The following PDE8A variants were observed in gnomAD, a reference collection of about 807,000 sequenced individuals.
PDE8A encodes the protein phosphodiesterase 8A.
A neutral mutation model predicts 105.0 loss-of-function variants in PDE8A; 59 were observed. The ratio of observed to expected loss-of-function variants is 0.56; its 90% confidence interval spans 0.46 to 0.70. PDE8A has a LOEUF of 0.70. Ranked by LOEUF, PDE8A falls within the 30% of genes least tolerant of loss-of-function variation. The probability of loss-of-function intolerance (pLI) is 0.00; values close to 1 mark genes in which losing one functional copy is unlikely to be tolerated. For synonymous variants in PDE8A, 355 were observed against 371.9 expected, an observed-to-expected ratio of 0.95 and a Z score of 0.52; for missense variants, 1,014 against 1,045.9, an observed-to-expected ratio of 0.97 and a Z score of 0.42.
At chr15:85,136,450 G>A (rs748189973) in intron 20 of PDE8A, 84 bp from the exon 21 acceptor site, 4 of 1,439,846 alleles carry the variant, frequency 2.8e-6, no homozygotes, top group Non-Finnish European at 3.8e-6. Context: ...GCTGCCAGGA[G>A]AAGCTCTTCC....
intron 1 of PDE8A, among the ~76,000 whole-genome samples, chr15:84,996,901 G>A (rs979633615): frequency 6.6e-6 from 1 of 150,422 alleles, no homozygotes; most frequent in Admixed American, 6.6e-5. Context: ...TACAGGACTG[G>A]AAGCTGCTGA....
At chr15:85,093,280 C>T (rs917235383) in intron 8 of PDE8A, among the ~76,000 whole-genome samples, 7 of 152,158 alleles carry the variant, frequency 4.6e-5, no homozygotes, top group Non-Finnish European at 1.0e-4. Flanking sequence ...GAAAAGCAAC[C>T]TTTGTCCTTT....
intron 6 of PDE8A, among the ~76,000 whole-genome samples, chr15:85,084,311 A>C (rs968325480): frequency 2.0e-5 from 3 of 152,208 alleles, no homozygotes; most frequent in Non-Finnish European, 4.4e-5. Context: ...ACCAAGATTA[A>C]TAAGGACCAG....
chr15:85,006,684 A>G (rs1450885402), intron 1 of PDE8A, among the ~76,000 whole-genome samples: 2 of 151,130 alleles, frequency 1.3e-5, no homozygotes, highest in Admixed American at 6.6e-5. Context: ...TCTTTTTGTC[A>G]TGTGTGGTGA....
At chr15:85,118,755 A>G (rs1261374878) in intron 17 of PDE8A, among the ~76,000 whole-genome samples, 2 of 152,200 alleles carry the variant, frequency 1.3e-5, no homozygotes, top group African/African-American at 4.8e-5. Flanking sequence ...ACTGGGGCCT[A>G]AGATGACTGC....
chr15:85,032,445 A>G lies in PDE8A; in HGVS notation c.187-31925A>G, dbSNP rs16974732. Among the ~76,000 whole-genome samples, 7 of 152,240 alleles carry G rather than the reference A, an allele frequency of 4.6e-5. No individual in the cohort carries two copies. The East Asian group carries it at 1.3e-3, about 29-fold the overall frequency. ...AAAGGTCATGGAAACAGTAACTTTT[A>G]AAAAGAACCCTTGGTTACCTAGTTT... On this transcript the variant is annotated intron_variant, in intron 1 of 21. Coordinates refer to ENST00000394553, the MANE Select transcript of PDE8A (RefSeq NM_002605.3).
At chr15:85,113,532 AC>A in intron 13 of PDE8A, 85 bp downstream of exon 13, 1 of 1,158,804 alleles carries the variant, frequency 8.6e-7, no homozygotes, top group Non-Finnish European at 1.3e-6. Flanking sequence ...AGAAACAGGG[AC>A]CCGCAGTAAT....
chr15:85,123,360 A>G (rs1226633405), intron 19 of PDE8A, among the ~76,000 whole-genome samples, 167 bp downstream of exon 19: 2 of 148,844 alleles, frequency 1.3e-5, no homozygotes, highest in Non-Finnish European at 3.0e-5. Context: ...ACACACACAC[A>G]CACACACACA....
chr15:85,016,160 A>G (rs1387413419), intron 1 of PDE8A, among the ~76,000 whole-genome samples: 1 of 152,172 alleles, frequency 6.6e-6, no homozygotes, highest in Non-Finnish European at 1.5e-5. Context: ...AATAAATAAA[A>G]TTTAAAAAAT....
chr15:85,039,124 G>GAA (rs35924887), intron 1 of PDE8A, among the ~76,000 whole-genome samples: 1 of 143,504 alleles, frequency 7.0e-6, no homozygotes, highest in Non-Finnish European at 1.5e-5. Context: ...TCCATCTCAA[G>GAA]AAAAAAAAAA....
intron 1 of PDE8A, among the ~76,000 whole-genome samples, chr15:85,007,903 G>C (rs115535436): frequency 6.6e-6 from 1 of 152,158 alleles, no homozygotes; most frequent in Non-Finnish European, 1.5e-5. Context: ...CCATACAGTG[G>C]TGCCTGTAGT....
intron 6 of PDE8A, 25 bp downstream of exon 6, chr15:85,083,669 C>T (rs1214214770): frequency 2.7e-6 from 4 of 1,473,378 alleles, no homozygotes; most frequent in Admixed American, 1.7e-5. Context: ...TCTGGAAAGC[C>T]CTCCAGGCCA....
intron 1 of PDE8A, among the ~76,000 whole-genome samples, chr15:85,037,574 T>C (rs932723426): frequency 6.6e-6 from 1 of 152,246 alleles, no homozygotes; most frequent in African/African-American, 2.4e-5. Flanking sequence ...CAGAAAGATA[T>C]TTCAAAATGT....
chr15:85,083,676 G>A lies in PDE8A; in HGVS notation c.635+32G>A, dbSNP rs1300364353. On this transcript the variant is annotated intron_variant, in intron 6 of 21. Transcript: ENST00000394553. ...CTACCACTTCTGGAAAGCCCTCCAG[G>A]CCATACAGGGCAGCATGGCAAGTGA... is the stretch of plus-strand genomic sequence containing the variant. 3.0e-6 allele frequency: 4 copies of A among 1,347,830 alleles called. No homozygotes were observed. In the African/African-American group the frequency reaches 5.7e-5, roughly 19 times the overall value. The allele number at this position is 1,347,830 out of a possible 1,614,324, so 83.5% of individuals were successfully genotyped here.
chr15:85,003,419 C>T (rs1164130495), intron 1 of PDE8A, among the ~76,000 whole-genome samples: 1 of 152,128 alleles, frequency 6.6e-6, no homozygotes, highest in Admixed American at 6.6e-5. Flanking sequence ...CACCTGCCCA[C>T]CCCAGCAGCC....
intron 1 of PDE8A, among the ~76,000 whole-genome samples, chr15:85,052,110 A>C (rs1172447609): frequency 5.3e-5 from 8 of 152,068 alleles, no homozygotes; most frequent in African/African-American, 1.9e-4. Flanking sequence ...GCTCAGAATG[A>C]TGGTTTCCAG....
At chr15:85,120,372 AG>A (rs1156784227) in intron 17 of PDE8A, 1 of 152,652 alleles carries the variant, frequency 6.6e-6, no homozygotes, top group Non-Finnish European at 1.5e-5. Flanking sequence ...TGACAAAGAT[AG>A]CACTAAAAGG....
At chr15:85,091,307 A>G in intron 8 of PDE8A, 126 bp downstream of exon 8, 2 of 761,872 alleles carry the variant, frequency 2.6e-6, no homozygotes, top group Admixed American at 3.0e-5. Flanking sequence ...AGTATAGGGA[A>G]TGTTATCCCT....
intron 1 of PDE8A, among the ~76,000 whole-genome samples, chr15:85,058,923 C>T (rs1279767090): frequency 6.6e-6 from 1 of 152,074 alleles, no homozygotes; most frequent in East Asian, 1.9e-4. Flanking sequence ...TTATTTCCAT[C>T]TGCTAGCTTT....
Sources: gnomAD v4.1 joint callset for allele counts (sites outside exome capture counted in the v4.1 genomes callset) on GRCh38, gnomAD v4.1.1 for gene constraint, MANE v1.5 for transcripts, NCBI Gene and HGNC (gene_info 2026-07-23, HGNC 2026-07-21) for gene names.